PITPNM2: variants seen among roughly 807,000 people sequenced by gnomAD.
The protein encoded by PITPNM2 is membrane-associated phosphatidylinositol transfer protein 2.
In PITPNM2, 35 loss-of-function variants were observed where a neutral mutation model predicts 132.2. That is an observed-to-expected ratio of 0.26 (90% confidence interval 0.20 to 0.35). The LOEUF is 0.35. PITPNM2 is among the 10% of genes least tolerant of loss of function. The pLI, the probability that PITPNM2 is intolerant of heterozygous loss-of-function variation, is 1.00. For synonymous variants in PITPNM2, 738 were observed against 799.2 expected (o/e 0.92, Z 1.29); for missense variants, 1,332 against 1,912.0 (o/e 0.70, Z 5.66).
chr12:123,064,282 A>G lies in PITPNM2; in HGVS notation c.-95-29597T>C, dbSNP rs979438087. Among the ~76,000 whole-genome samples, 3 of 152,212 alleles carry G rather than the reference A, an allele frequency of 2.0e-5. No homozygotes were observed. Among genetic ancestry groups the G allele is most frequent in the African/African-American group, 7.2e-5 (3 of 41,446 alleles). ...GAGCGACAGGGACTTGGTCAAGGTC[A>G]TCGGGCAAGTCAGTAGCAGGGAAGG... is the stretch of plus-strand genomic sequence containing the variant. On this transcript the variant is annotated intron_variant, in intron 2 of 25. Coordinates refer to ENST00000320201, the MANE Select transcript of PITPNM2 (RefSeq NM_020845.3). The surrounding 1 kb of genome is among the most constrained non-coding windows in gnomAD (Gnocchi z 4.0).
intron 2 of PITPNM2, among the ~76,000 whole-genome samples, chr12:123,035,175 G>A (rs2040224926): frequency 6.6e-6 from 1 of 152,164 alleles, no homozygotes; most frequent in African/African-American, 2.4e-5. Context: ...ATCCCAAGGG[G>A]GAGACTCTGA....
rs540836349 is a variant in PITPNM2 at position 122,996,648 on chromosome 12, C to A, written c.1663-71G>T. On this transcript the variant is annotated intron_variant, in intron 12 of 25. Transcript: ENST00000320201. Reference sequence around the variant, plus strand: ...GGACTATAGGCTGGGGAGGCCGTCACCTTCCCCCTGAGGCCAGCCCGCCCT... The same window carrying A: ...GGACTATAGGCTGGGGAGGCCGTCAACTTCCCCCTGAGGCCAGCCCGCCCT... 4.8e-5 allele frequency: 77 copies of A among 1,611,312 alleles called. No individual in the cohort carries two copies. In the African/African-American group the frequency reaches 8.5e-4, roughly 18 times the overall value.
chr12:123,111,911 C>G lies in PITPNM2; in HGVS notation c.-199-1423G>C, dbSNP rs991371012. Among the ~76,000 whole-genome samples, 3 of 152,142 alleles carry G rather than the reference C, an allele frequency of 2.0e-5. No homozygotes were observed. The highest frequency in any genetic ancestry group is 7.2e-5 in the African/African-American group (3 of 41,424). On this transcript the variant is annotated intron_variant, in intron 1 of 25. Coordinates refer to ENST00000320201, the MANE Select transcript of PITPNM2 (RefSeq NM_020845.3). The surrounding 1 kb of genome is among the most constrained non-coding windows in gnomAD (Gnocchi z 4.1). ...AGCAACTCTGAAGTCTCCCCATGTT[C>G]GAGGTGAGGAAAGCTGTTGAGAGGG...
rs1316533755 is a variant in PITPNM2, at chr12:123,001,107, C to T, written c.1100G>A (p.Ser367Asn). The T allele has an allele frequency of 6.2e-7, 1 of 1,614,222 alleles. No homozygotes were observed. Among genetic ancestry groups the T allele is most frequent in the African/African-American group, 1.3e-5 (1 of 75,062 alleles). Residue 367 changes from serine to asparagine, a missense_variant, in exon 9 of 26, where the codon AGC becomes AAC. Around this residue, in one of 6 missense-constraint regions of PITPNM2, gnomAD observed 710 missense variants for 911.5 expected, o/e 0.78. Coordinates refer to ENST00000320201, the MANE Select transcript of PITPNM2 (RefSeq NM_020845.3). The stretch of plus-strand genomic sequence containing the variant: ...GATCTTGTCCATGAGGTCATTGGAG[C>T]TCCACTTGGTGATGTCCTTGGGGAA... ...EMFPKDITKW[S>N]SNDLMDKIES...
chr12:123,133,003 C>T (rs1366171936), intron 1 of PITPNM2, among the ~76,000 whole-genome samples: 3 of 152,216 alleles, frequency 2.0e-5, no homozygotes, highest in East Asian at 1.9e-4. Context: ...AACAGCACTA[C>T]TATGAACATT....
Position 122,993,877 on chromosome 12 carries a change from TTTTC to T in PITPNM2, c.2233+920_2233+923del, listed in dbSNP as rs2038304100. On this transcript the variant is annotated intron_variant, in intron 15 of 25. Coordinates refer to ENST00000320201, the MANE Select transcript of PITPNM2 (RefSeq NM_020845.3). The surrounding 1 kb of genome is among the most constrained non-coding windows in gnomAD (Gnocchi z 5.2). ...TGAGTCCAGAGGTCTGCATTTTTTTTTTTCTTTTTTTTTGAGACTGAGTTTCGCT... is the reference window on the plus strand; with the variant it reads ...TGAGTCCAGAGGTCTGCATTTTTTTTTTTTTTTTTGAGACTGAGTTTCGCT... Among the ~76,000 whole-genome samples, 2 of 152,250 alleles carry T rather than the reference TTTTC, an allele frequency of 1.3e-5. No individual in the cohort carries two copies. The highest frequency in any genetic ancestry group is 3.9e-4 in the East Asian group (2 of 5,174).
At position 123,031,847 on chromosome 12, in the gene PITPNM2, G is replaced by A. The variant is rs1183391707; in HGVS notation, c.78+2666C>T. The stretch of plus-strand genomic sequence containing the variant: ...GCACACATGCTTGCTCACCCAGAAG[G>A]TGCACAGGGAAAGGCTCTGGAAGCT... On this transcript the variant is annotated intron_variant, in intron 3 of 25. Transcript: ENST00000320201. This position sits in a 1 kb window ranked among gnomAD's most constrained non-coding sequence, Gnocchi z 4.5. Among the ~76,000 whole-genome samples the A allele has an allele frequency of 1.3e-5, 2 of 152,172 alleles. No homozygotes were observed. Among genetic ancestry groups the A allele is most frequent in the African/African-American group, 4.8e-5 (2 of 41,442 alleles).
Position 123,022,132 on chromosome 12 carries a change from C to A in PITPNM2, c.79-8090G>T, listed in dbSNP as rs1042661600. On this transcript the variant is annotated intron_variant, in intron 3 of 25. Coordinates refer to ENST00000320201, the MANE Select transcript of PITPNM2 (RefSeq NM_020845.3). This position sits in a 1 kb window ranked among gnomAD's most constrained non-coding sequence, Gnocchi z 4.9. ...TTCATTTCCGGTGCTCAGAGGCTCC[C>A]GGTACAGCCAAGAGGTGCGGGGAAG... 2.6e-5 allele frequency among the ~76,000 whole-genome samples: 4 copies of A among 152,152 alleles called. No homozygotes were observed. In the East Asian group the frequency reaches 7.7e-4, roughly 29 times the overall value.
intron 2 of PITPNM2, among the ~76,000 whole-genome samples, chr12:123,100,202 G>A (rs138119560): frequency 7.9e-5 from 12 of 152,304 alleles, no homozygotes; most frequent in Non-Finnish European, 1.5e-4. Context: ...AATGTGCAAC[G>A]TAAAATGCTG....
At chr12:123,127,578 A>C (rs901743419) in intron 1 of PITPNM2, among the ~76,000 whole-genome samples, 1 of 149,748 alleles carries the variant, frequency 6.7e-6, no homozygotes, top group Non-Finnish European at 1.5e-5. Context: ...GCAACCTCCT[A>C]TCTGAGAGTT....
At chr12:122,987,710 C>T (rs765212047) in intron 21 of PITPNM2, 51 bp from the exon 22 acceptor site, 2 of 1,611,840 alleles carry the variant, frequency 1.2e-6, no homozygotes, top group Non-Finnish European at 1.7e-6. Context: ...CTCTCCACCC[C>T]CTGCACCCCG....
At chr12:123,007,921 C>T (rs755518935) in intron 6 of PITPNM2, among the ~76,000 whole-genome samples, 2 of 152,194 alleles carry the variant, frequency 1.3e-5, no homozygotes, top group African/African-American at 2.4e-5. Flanking sequence ...CATGAGTTCA[C>T]GAGATCATCC....
chr12:123,017,898 A>C (rs1386240488), intron 3 of PITPNM2, among the ~76,000 whole-genome samples: 1 of 152,120 alleles, frequency 6.6e-6, no homozygotes, highest in African/African-American at 2.4e-5. Flanking sequence ...TAATGGGCGC[A>C]GGGCCCTCCC....
Position 123,108,529 on chromosome 12 carries a change from G to A in PITPNM2, c.-96+1856C>T, listed in dbSNP as rs1202928042. Among the ~76,000 whole-genome samples the A allele has an allele frequency of 6.6e-6, 1 of 152,124 alleles. No homozygotes were observed. ...AGGACAACCACGAGGCCCCAACCCC[G>A]CAGAACCCGAGTGACCCCTGGAGAA... On this transcript the variant is annotated intron_variant, in intron 2 of 25. Transcript: ENST00000320201. The surrounding 1 kb of genome is among the most constrained non-coding windows in gnomAD (Gnocchi z 4.4).
rs189100865 is a variant in PITPNM2, at chr12:123,033,088, T to A, written c.78+1425A>T. 2.0e-5 allele frequency among the ~76,000 whole-genome samples: 3 copies of A among 152,332 alleles called. No homozygotes were observed. In the East Asian group the frequency reaches 5.8e-4, roughly 29 times the overall value. On this transcript the variant is annotated intron_variant, in intron 3 of 25. Transcript: ENST00000320201. ...CAGTGATGGGAGGTGGAGGCCCTGCTGAAGCCTTTCCCCCACACCAACGAC... is the reference window on the plus strand; with the variant it reads ...CAGTGATGGGAGGTGGAGGCCCTGCAGAAGCCTTTCCCCCACACCAACGAC...
At chr12:123,014,870 T>C (rs775899676) in intron 3 of PITPNM2, among the ~76,000 whole-genome samples, 1 of 152,212 alleles carries the variant, frequency 6.6e-6, no homozygotes, top group Non-Finnish European at 1.5e-5. Flanking sequence ...TTCAACAAAG[T>C]TGCAGAATAC....
intron 1 of PITPNM2, among the ~76,000 whole-genome samples, chr12:123,132,644 G>C (rs1172204711): frequency 6.6e-6 from 1 of 151,300 alleles, no homozygotes; most frequent in Non-Finnish European, 1.5e-5. Context: ...ATCCCAACCA[G>C]AAGCTTTGTA....
intron 1 of PITPNM2, among the ~76,000 whole-genome samples, chr12:123,123,241 T>C (rs1241406964): frequency 6.6e-6 from 1 of 152,154 alleles, no homozygotes; most frequent in African/African-American, 2.4e-5. Context: ...CAGAGAACCA[T>C]CTGCAGGATT....
At chr12:123,137,133 C>G (rs1484856669) in intron 1 of PITPNM2, among the ~76,000 whole-genome samples, 1 of 152,184 alleles carries the variant, frequency 6.6e-6, no homozygotes, top group Non-Finnish European at 1.5e-5. Flanking sequence ...CTGCCCATGT[C>G]ATCCTCCTGG....
Sources: gnomAD v4.1 joint callset for allele counts (sites outside exome capture counted in the v4.1 genomes callset) on GRCh38, gnomAD v4.1.1 for gene constraint, gnomAD v4.1.1 regional missense constraint, Gnocchi (gnomAD v3.1) non-coding constraint, MANE v1.5 for transcripts, NCBI Gene and HGNC (gene_info 2026-07-23, HGNC 2026-07-21) for gene names.